RBFOX1: variants seen among roughly 807,000 people sequenced by gnomAD.
RBFOX1 encodes RNA binding fox-1 homolog 1, also known as RNA binding protein fox-1 homolog 1.
A neutral mutation model predicts 57.7 loss-of-function variants in RBFOX1; 8 were observed. The observed-to-expected ratio is 0.14, with a 90% CI of 0.08 to 0.25. RBFOX1 has a LOEUF of 0.25. RBFOX1 is among the 10% of genes least tolerant of loss of function. The probability of loss-of-function intolerance (pLI) is 1.00; values close to 1 mark genes in which losing one functional copy is unlikely to be tolerated. For synonymous variants in RBFOX1, 326 were observed against 222.4 expected (o/e 1.47, Z -4.15); for missense variants, 611 against 548.5 (o/e 1.11, Z -1.14).
chr16:5,693,110 G>C (rs2050742910), intron 3 of RBFOX1, among the ~76,000 whole-genome samples: 1 of 152,170 alleles, frequency 6.6e-6, no homozygotes, highest in East Asian at 1.9e-4. Flanking sequence ...TGAGTGGACA[G>C]ACGTGGGTGT....
At chr16:6,871,125 A>C (rs577109105) in intron 3 of RBFOX1, among the ~76,000 whole-genome samples, 1 of 152,198 alleles carries the variant, frequency 6.6e-6, no homozygotes, top group Non-Finnish European at 1.5e-5. Flanking sequence ...GAATTTGATG[A>C]AGGTTCCTTT....
intron 3 of RBFOX1, among the ~76,000 whole-genome samples, chr16:6,718,162 C>G (rs1282266499): frequency 6.6e-6 from 1 of 152,192 alleles, no homozygotes; most frequent in Admixed American, 6.5e-5. Flanking sequence ...ATGTCCCCAT[C>G]TTTTGCTTCC....
intron 1 of RBFOX1, among the ~76,000 whole-genome samples, chr16:6,078,310 C>T (rs1258887951): frequency 6.6e-6 from 1 of 152,162 alleles, no homozygotes; most frequent in Non-Finnish European, 1.5e-5. Context: ...CTTCTCCAGC[C>T]CATGTCCCCC....
At chr16:6,803,911 ATTG>A (rs986198391) in intron 3 of RBFOX1, among the ~76,000 whole-genome samples, 1 of 152,132 alleles carries the variant, frequency 6.6e-6, no homozygotes, top group African/African-American at 2.4e-5. Flanking sequence ...AGCTTTTACC[ATTG>A]TTGTAGATCT....
intron 5 of RBFOX1, among the ~76,000 whole-genome samples, chr16:7,572,329 G>T (rs2092870153): frequency 6.6e-6 from 1 of 152,172 alleles, no homozygotes; most frequent in South Asian, 2.1e-4. Flanking sequence ...GGTCGCTCAT[G>T]GTAAGGCTTA....
intron 4 of RBFOX1, among the ~76,000 whole-genome samples, chr16:7,288,470 G>A (rs2095694085): frequency 2.0e-5 from 3 of 152,168 alleles, no homozygotes; most frequent in Non-Finnish European, 4.4e-5. Flanking sequence ...AGATTTCTGG[G>A]AAGATGAAAT....
At chr16:5,961,125 T>C (rs1281502361) in intron 4 of RBFOX1, among the ~76,000 whole-genome samples, 5 of 152,186 alleles carry the variant, frequency 3.3e-5, no homozygotes, top group Non-Finnish European at 5.9e-5. Flanking sequence ...GGCAGAAATA[T>C]CCATTCCCTT....
At chr16:6,858,712 T>G (rs570631334) in intron 3 of RBFOX1, among the ~76,000 whole-genome samples, 2 of 152,256 alleles carry the variant, frequency 1.3e-5, no homozygotes, top group East Asian at 3.9e-4. Context: ...AATATGAGTG[T>G]TCAGCTCAGC....
At chr16:7,561,010 A>G (rs2090205532) in intron 5 of RBFOX1, among the ~76,000 whole-genome samples, 1 of 152,214 alleles carries the variant, frequency 6.6e-6, no homozygotes, top group African/African-American at 2.4e-5. Flanking sequence ...TCTCCTCCAC[A>G]AAGCTAGGAG....
At chr16:6,939,279 A>T (rs1448654269) in intron 3 of RBFOX1, among the ~76,000 whole-genome samples, 2 of 152,130 alleles carry the variant, frequency 1.3e-5, no homozygotes, top group East Asian at 3.9e-4. Flanking sequence ...GTGTAATATG[A>T]GTCATTATTT....
chr16:6,004,284 C>T (rs2060654714), intron 4 of RBFOX1, among the ~76,000 whole-genome samples: 1 of 152,200 alleles, frequency 6.6e-6, no homozygotes, highest in Non-Finnish European at 1.5e-5. Context: ...TGCTTATTAC[C>T]TGGGTGACCT....
At chr16:6,726,870 GA>G (rs1438118231) in intron 3 of RBFOX1, among the ~76,000 whole-genome samples, 2 of 151,988 alleles carry the variant, frequency 1.3e-5, no homozygotes, top group African/African-American at 4.8e-5. Flanking sequence ...GGTGGCTTGG[GA>G]ATTATTATTG....
intron 1 of RBFOX1, among the ~76,000 whole-genome samples, chr16:6,172,765 A>G (rs2096971150): frequency 6.6e-6 from 1 of 152,208 alleles, no homozygotes; most frequent in African/African-American, 2.4e-5. Context: ...TGTGTTTTCC[A>G]ATGCTGCATT....
intron 4 of RBFOX1, among the ~76,000 whole-genome samples, chr16:7,270,282 C>T (rs1021522040): frequency 1.1e-4 from 16 of 152,158 alleles, no homozygotes; most frequent in African/African-American, 3.6e-4. Flanking sequence ...TTCACACTAA[C>T]ATGTGAATGA....
rs1262653769 is a variant in RBFOX1, at chr16:5,350,687, G to A, written c.219+110582G>A. Among the ~76,000 whole-genome samples, 4 of 152,122 alleles carry A rather than the reference G, an allele frequency of 2.6e-5. No homozygotes were observed. In the South Asian group the frequency reaches 8.3e-4, roughly 32 times the overall value. ...TTGAGACCAGCCTGGCCAACATGGT[G>A]AAACCCCGTCTCTAGTGAAAATACA... On this transcript the variant is annotated intron_variant, in intron 1 of 2. Coordinates refer to the RBFOX1 transcript ENST00000585867.
intron 4 of RBFOX1, among the ~76,000 whole-genome samples, chr16:7,196,426 C>A (rs1471599151): frequency 1.3e-5 from 2 of 152,158 alleles, no homozygotes; most frequent in East Asian, 1.9e-4. Context: ...CAAGAAACAT[C>A]TTTCATTCAG....
chr16:7,292,882 T>A (rs118131590), intron 4 of RBFOX1, among the ~76,000 whole-genome samples: 370 of 152,198 alleles, frequency 2.4e-3, no homozygotes, highest in South Asian at 4.8e-3. Flanking sequence ...GGATAAGAGA[T>A]GATCCCCTCA....
intron 3 of RBFOX1, among the ~76,000 whole-genome samples, chr16:5,860,115 C>T (rs995728879): frequency 6.6e-6 from 1 of 152,186 alleles, no homozygotes; most frequent in Non-Finnish European, 1.5e-5. Flanking sequence ...TGGAGTCTCA[C>T]TCTGTCGCCC....
At chr16:5,384,998 G>T (rs986662692) in intron 1 of RBFOX1, among the ~76,000 whole-genome samples, 5 of 152,116 alleles carry the variant, frequency 3.3e-5, no homozygotes, top group Non-Finnish European at 5.9e-5. Context: ...TTCCCCCTCA[G>T]TGTTTTGAGG....
Sources: gnomAD v4.1 joint callset for allele counts (sites outside exome capture counted in the v4.1 genomes callset) on GRCh38, gnomAD v4.1.1 for gene constraint, MANE v1.5 for transcripts, NCBI Gene and HGNC (gene_info 2026-07-23, HGNC 2026-07-21) for gene names.